The following AKAP7 variants were observed in gnomAD, a reference collection of about 807,000 sequenced individuals.
AKAP7 encodes the protein A kinase (PRKA) anchor protein 7.
AKAP7 carries 39 observed loss-of-function variants against 39.5 expected under a neutral mutation model. The ratio of observed to expected loss-of-function variants is 0.99; its 90% confidence interval spans 0.76 to 1.29. AKAP7 has a LOEUF of 1.29. AKAP7 is among the 50% of genes most tolerant of loss of function. AKAP7 has a pLI of 0.00. For missense variants in AKAP7, 414 were observed against 407.7 expected, an observed-to-expected ratio of 1.02 and a Z score of -0.13; for synonymous variants, 140 against 139.1, an observed-to-expected ratio of 1.01 and a Z score of -0.05.
intron 7 of AKAP7, among the ~76,000 whole-genome samples, chr6:131,240,268 G>C (rs968061239): frequency 6.6e-6 from 1 of 152,222 alleles, no homozygotes; most frequent in African/African-American, 2.4e-5. Context: ...TCCTCTGGAA[G>C]TTTTGTCTCA....
chr6:131,242,066 G>C, intron 7 of AKAP7: 1 of 982,080 alleles, frequency 1.0e-6, no homozygotes, highest in Middle Eastern at 5.2e-4. Context: ...GTATCTGACC[G>C]TAATATGTTT....
Position 131,281,713 on chromosome 6 carries a change from A to C in AKAP7, c.1034A>C (p.Asn345Thr), listed in dbSNP as rs1443906667. The change falls in exon 8 of 8, where the codon AAC becomes ACC. Residue 345 changes from asparagine to threonine, a missense_variant. Coordinates refer to ENST00000431975, the MANE Select transcript of AKAP7 (RefSeq NM_016377.4). This position sits in a 1 kb window ranked among gnomAD's most constrained non-coding sequence, Gnocchi z 4.0. Reference sequence around the variant, plus strand: ...GATCAGAATGGCAATGACAATGAGAACAACAGGAAATGAGCCCGGAACGCA... The same window carrying C: ...GATCAGAATGGCAATGACAATGAGACCAACAGGAAATGAGCCCGGAACGCA... Reference protein sequence around the residue: ...AADQNGNDNENNRK With the variant: ...AADQNGNDNETNRK 3 of 1,605,182 alleles carry C rather than the reference A, an allele frequency of 1.9e-6. No individual in the cohort carries two copies. The highest frequency in any genetic ancestry group is 2.6e-6 in the Non-Finnish European group (3 of 1,175,856).
At chr6:131,222,850 T>C (rs1288655041) in intron 7 of AKAP7, among the ~76,000 whole-genome samples, 3 of 152,214 alleles carry the variant, frequency 2.0e-5, no homozygotes, top group Non-Finnish European at 2.9e-5. Context: ...CATTCCATGC[T>C]ACAGAGAAAT....
At chr6:131,180,896 CT>C (rs1805153485) in intron 5 of AKAP7, among the ~76,000 whole-genome samples, 1 of 144,780 alleles carries the variant, frequency 6.9e-6, no homozygotes, top group African/African-American at 2.5e-5. Flanking sequence ...TAGCTTATCT[CT>C]TTTTTCTTTA....
intron 2 of AKAP7, among the ~76,000 whole-genome samples, chr6:131,158,197 A>G (rs1802596004): frequency 6.6e-6 from 1 of 152,238 alleles, no homozygotes; most frequent in Admixed American, 6.5e-5. Context: ...GTAGAGAAGC[A>G]ATTTGATACA....
intron 5 of AKAP7, among the ~76,000 whole-genome samples, chr6:131,171,983 G>T (rs201252168): frequency 6.6e-6 from 1 of 152,136 alleles, no homozygotes; most frequent in Non-Finnish European, 1.5e-5. Context: ...AAATTAGGAG[G>T]TGTGATCAGA....
chr6:131,227,460 G>C (rs1053255460), intron 7 of AKAP7, among the ~76,000 whole-genome samples: 4 of 152,134 alleles, frequency 2.6e-5, no homozygotes, highest in African/African-American at 9.7e-5. Flanking sequence ...ATAAATGTGA[G>C]ATAAAAAGAG....
At chr6:131,247,577 C>T (rs965401894) in intron 7 of AKAP7, among the ~76,000 whole-genome samples, 1 of 151,680 alleles carries the variant, frequency 6.6e-6, no homozygotes, top group Admixed American at 6.6e-5. Context: ...ACCTTGGCCT[C>T]CTGAAGTGCT....
upstream of AKAP7, among the ~76,000 whole-genome samples, chr6:131,133,631 C>G (rs2128220473): frequency 6.6e-6 from 1 of 152,320 alleles, no homozygotes; most frequent in South Asian, 2.1e-4. Context: ...CCATATATCT[C>G]TTGGTACACA....
upstream of AKAP7, among the ~76,000 whole-genome samples, chr6:131,130,498 G>A (rs1314888308): frequency 6.6e-6 from 1 of 152,194 alleles, no homozygotes; most frequent in Non-Finnish European, 1.5e-5. Flanking sequence ...GTTTTGCCAT[G>A]TTGGTCAGGC....
chr6:131,178,557 T>C (rs772283218), intron 5 of AKAP7, among the ~76,000 whole-genome samples: 1 of 152,240 alleles, frequency 6.6e-6, no homozygotes, highest in Non-Finnish European at 1.5e-5. Flanking sequence ...AACTTAGTTA[T>C]AGCTATCACG....
intron 6 of AKAP7, among the ~76,000 whole-genome samples, chr6:131,212,822 A>G (rs2128292878): frequency 6.6e-6 from 1 of 152,350 alleles, no homozygotes; most frequent in East Asian, 1.9e-4. Flanking sequence ...GAAATTGATT[A>G]GTTCATAAGA....
At chr6:131,194,084 TG>T (rs1166456989) in intron 5 of AKAP7, among the ~76,000 whole-genome samples, 4 of 152,086 alleles carry the variant, frequency 2.6e-5, no homozygotes, top group Non-Finnish European at 4.4e-5. Context: ...AATTTTGGGT[TG>T]GGTTTGCTCT....
chr6:131,147,107 G>GT (rs2128228264), intron 2 of AKAP7, among the ~76,000 whole-genome samples: 1 of 152,326 alleles, frequency 6.6e-6, no homozygotes, highest in African/African-American at 2.4e-5. Flanking sequence ...TGGAGGATGA[G>GT]TATGAACTAT....
intron 7 of AKAP7, among the ~76,000 whole-genome samples, chr6:131,224,701 C>T (rs1585125072): frequency 7.5e-6 from 1 of 132,830 alleles, no homozygotes. Context: ...AGTATATATG[C>T]TACGTTTGTA....
chr6:131,139,491 C>T (rs1350076583), intron 1 of AKAP7, among the ~76,000 whole-genome samples: 5 of 152,184 alleles, frequency 3.3e-5, no homozygotes, highest in African/African-American at 1.2e-4. Context: ...AAATGGGATA[C>T]TAGTACTTTT....
At chr6:131,217,979 T>C (rs17651753) in intron 6 of AKAP7, among the ~76,000 whole-genome samples, 18,666 of 152,194 alleles carry the variant, frequency 0.12, 1,332 homozygotes, top group Non-Finnish European at 0.15. Flanking sequence ...AATGTTTTTA[T>C]TCTTGAAATG....
chr6:131,163,438 G>T (rs1462594530), intron 3 of AKAP7, among the ~76,000 whole-genome samples: 1 of 152,206 alleles, frequency 6.6e-6, no homozygotes, highest in African/African-American at 2.4e-5. Context: ...TTATAACATT[G>T]TTTCAATGGA....
At chr6:131,144,580 A>G (rs1383755592) in intron 1 of AKAP7, among the ~76,000 whole-genome samples, 1 of 152,206 alleles carries the variant, frequency 6.6e-6, no homozygotes, top group Non-Finnish European at 1.5e-5. Flanking sequence ...TAAATTTAGC[A>G]ATTAACTTTA....
Sources: gnomAD v4.1 joint callset for allele counts (sites outside exome capture counted in the v4.1 genomes callset) on GRCh38, gnomAD v4.1.1 for gene constraint, Gnocchi (gnomAD v3.1) non-coding constraint, MANE v1.5 for transcripts, NCBI Gene and HGNC (gene_info 2026-07-23, HGNC 2026-07-21) for gene names.